BMP2K: variants seen among roughly 807,000 people sequenced by gnomAD.
The protein encoded by BMP2K is BMP-2-inducible protein kinase.
BMP2K carries 74 observed loss-of-function variants against 116.0 expected under a neutral mutation model. The ratio of observed to expected loss-of-function variants is 0.64; its 90% confidence interval spans 0.53 to 0.77. The LOEUF is 0.77. Ranked by LOEUF, BMP2K falls within the 30% of genes least tolerant of loss-of-function variation. The probability of loss-of-function intolerance (pLI) is 0.00; values close to 1 mark genes in which losing one functional copy is unlikely to be tolerated. For missense variants in BMP2K, 1,365 were observed against 1,403.6 expected, an observed-to-expected ratio of 0.97 and a Z score of 0.44; for synonymous variants, 486 against 502.5, an observed-to-expected ratio of 0.97 and a Z score of 0.44.
intron 1 of BMP2K, among the ~76,000 whole-genome samples, chr4:78,778,307 A>G (rs1727343841): frequency 1.3e-5 from 2 of 152,200 alleles, no homozygotes; most frequent in Non-Finnish European, 1.5e-5. Context: ...ACCCTAAGCA[A>G]GCCATTTTCA....
chr4:78,861,594 A>T, intron 9 of BMP2K, 126 bp downstream of exon 9: 1 of 784,844 alleles, frequency 1.3e-6, no homozygotes, highest in Non-Finnish European at 2.0e-6. Flanking sequence ...TGCTTATTGT[A>T]TGTGGTATAA....
intron 1 of BMP2K, among the ~76,000 whole-genome samples, chr4:78,823,327 G>A (rs914533179): frequency 6.6e-6 from 1 of 151,694 alleles, no homozygotes; most frequent in East Asian, 1.9e-4. Context: ...GGTTCCTCTG[G>A]GAACTTACTT....
intron 7 of BMP2K, among the ~76,000 whole-genome samples, chr4:78,858,818 TAAC>T (rs1226374989): frequency 2.0e-5 from 3 of 151,900 alleles, no homozygotes; most frequent in Admixed American, 2.0e-4. Context: ...TGAGATGTCT[TAAC>T]AAAATCTTTT....
chr4:78,863,056 A>T (rs996556865), intron 9 of BMP2K, among the ~76,000 whole-genome samples: 3 of 152,094 alleles, frequency 2.0e-5, no homozygotes, highest in African/African-American at 7.2e-5. Flanking sequence ...AACAAGAATG[A>T]TGATTTGATT....
chr4:78,855,547 G>A lies in BMP2K; in HGVS notation c.884-4037G>A, dbSNP rs1731464859. 6.6e-5 allele frequency among the ~76,000 whole-genome samples: 10 copies of A among 152,258 alleles called. No homozygotes were observed. The South Asian group carries it at 2.1e-3, about 32-fold the overall frequency. ...ACTTTAATTTTTGGCTTAGGTCCTT[G>A]ACTAAACCATGGTATAACTTGGCTG... On this transcript the variant is annotated intron_variant, in intron 7 of 15. Coordinates refer to ENST00000502613, the MANE Select transcript of BMP2K (RefSeq NM_198892.2).
chr4:78,887,370 T>G, intron 15 of BMP2K, 86 bp downstream of exon 15: 1 of 930,304 alleles, frequency 1.1e-6, no homozygotes, highest in Non-Finnish European at 1.7e-6. Flanking sequence ...AGTAAGACTC[T>G]GATGTTAGTT....
intron 6 of BMP2K, among the ~76,000 whole-genome samples, chr4:78,850,070 T>C (rs956866235): frequency 6.6e-6 from 1 of 151,704 alleles, no homozygotes; most frequent in Non-Finnish European, 1.5e-5. Context: ...TTGGTTAGAA[T>C]TGGAAATACC....
intron 15 of BMP2K, among the ~76,000 whole-genome samples, chr4:78,906,609 T>C (rs948668672): frequency 2.0e-5 from 3 of 152,180 alleles, no homozygotes; most frequent in Non-Finnish European, 4.4e-5. Context: ...TTTGTTGGTC[T>C]ACTTACTTCT....
chr4:78,814,967 G>GT (rs1167134468), intron 1 of BMP2K, among the ~76,000 whole-genome samples: 2 of 151,922 alleles, frequency 1.3e-5, no homozygotes, highest in East Asian at 1.9e-4. Context: ...ATTTTTCAAT[G>GT]TTTTTTTCCC....
intron 15 of BMP2K, among the ~76,000 whole-genome samples, chr4:78,907,544 A>G (rs1333399863): frequency 6.6e-6 from 1 of 152,184 alleles, no homozygotes; most frequent in East Asian, 1.9e-4. Flanking sequence ...GCATTTCCCC[A>G]AAGTACTTTT....
intron 2 of BMP2K, among the ~76,000 whole-genome samples, chr4:78,830,249 T>C (rs1348290877): frequency 1.3e-5 from 2 of 152,194 alleles, no homozygotes; most frequent in African/African-American, 2.4e-5. Context: ...TGAGCAGTAA[T>C]ATTTTGAAAG....
chr4:78,781,291 AT>A (rs1288412573), intron 1 of BMP2K, among the ~76,000 whole-genome samples: 1 of 152,232 alleles, frequency 6.6e-6, no homozygotes, highest in Non-Finnish European at 1.5e-5. Context: ...TAAGGTTAAA[AT>A]GATGACAGTG....
chr4:78,895,500 T>G (rs1733655117), intron 15 of BMP2K, among the ~76,000 whole-genome samples: 1 of 151,958 alleles, frequency 6.6e-6, no homozygotes, highest in Non-Finnish European at 1.5e-5. Context: ...ATACTTGACA[T>G]TGAGGATTCC....
chr4:78,872,876 C>T (rs1414866776), intron 13 of BMP2K, 78 bp downstream of exon 13: 1 of 1,408,544 alleles, frequency 7.1e-7, no homozygotes, highest in African/African-American at 1.4e-5. Flanking sequence ...TCATTAAGTT[C>T]TCTTAAATTA....
At chr4:78,832,601 C>G (rs1452398156) in intron 2 of BMP2K, among the ~76,000 whole-genome samples, 21 of 152,076 alleles carry the variant, frequency 1.4e-4, no homozygotes, top group Admixed American at 1.4e-3. Context: ...ACTAAGTTCT[C>G]TAACTAACTT....
Position 78,912,209 on chromosome 4 carries a change from T to G in BMP2K, c.*176T>G. ...TGAAGTATCTCTACAGGGTAGTAAC[T>G]TGATTCCTCTTCAGGAGAAAAGGGA... is the stretch of plus-strand genomic sequence containing the variant. On this transcript the variant is annotated 3_prime_UTR_variant, in exon 16 of 16. Transcript: ENST00000502613. 1.7e-6 allele frequency: 1 copy of G among 593,332 alleles called. No individual in the cohort carries two copies. The highest frequency in any genetic ancestry group is 2.8e-6 in the Non-Finnish European group (1 of 351,764). The allele number at this position is 593,332 out of a possible 1,614,324, so 36.8% of individuals were successfully genotyped here. A position where few individuals can be genotyped will look rare whatever the true frequency, so the allele number is the denominator to read the frequency against.
intron 8 of BMP2K, 64 bp downstream of exon 8, chr4:78,859,751 C>CT: frequency 8.7e-7 from 1 of 1,145,592 alleles, no homozygotes; most frequent in Non-Finnish European, 1.3e-6. Flanking sequence ...AATATATTTA[C>CT]TTTCAGAGTT....
intron 7 of BMP2K, among the ~76,000 whole-genome samples, chr4:78,857,234 T>G (rs1731548068): frequency 6.6e-6 from 1 of 152,130 alleles, no homozygotes; most frequent in Non-Finnish European, 1.5e-5. Context: ...ACCTTTTGAG[T>G]TGATTTTATG....
chr4:78,828,922 T>C (rs898137007), intron 2 of BMP2K, among the ~76,000 whole-genome samples: 5 of 152,204 alleles, frequency 3.3e-5, no homozygotes, highest in Non-Finnish European at 7.3e-5. Flanking sequence ...CTGTGGAAGT[T>C]TCTTAACCCA....
Sources: allele counts gnomAD v4.1 joint callset (sites outside exome capture counted in the v4.1 genomes callset), GRCh38; gene constraint gnomAD v4.1.1; transcripts MANE v1.5; gene names NCBI Gene and HGNC (gene_info 2026-07-23, HGNC 2026-07-21).